THSD7B: variants seen among roughly 807,000 people sequenced by gnomAD.
The protein encoded by THSD7B is thrombospondin type 1 domain containing 7B.
A neutral mutation model predicts 213.6 loss-of-function variants in THSD7B; 138 were observed. The observed-to-expected ratio is 0.65, with a 90% CI of 0.56 to 0.74. THSD7B has a LOEUF of 0.74. Ranked by LOEUF, THSD7B falls within the 30% of genes least tolerant of loss-of-function variation. The probability of loss-of-function intolerance (pLI) is 0.00; values close to 1 mark genes in which losing one functional copy is unlikely to be tolerated. For missense variants in THSD7B, 1,931 were observed against 1,991.5 expected, an observed-to-expected ratio of 0.97 and a Z score of 0.58; for synonymous variants, 742 against 687.0, an observed-to-expected ratio of 1.08 and a Z score of -1.25.
intron 2 of THSD7B, among the ~76,000 whole-genome samples, chr2:137,019,993 G>A (rs1052233977): frequency 6.6e-6 from 1 of 152,108 alleles, no homozygotes; most frequent in Non-Finnish European, 1.5e-5. Context: ...CCTATTCAAG[G>A]TTTGTGAGGA....
At chr2:137,098,596 GGTAGGAAAATCAAA>G (rs1156771590) in intron 4 of THSD7B, among the ~76,000 whole-genome samples, 1 of 152,060 alleles carries the variant, frequency 6.6e-6, no homozygotes, top group African/African-American at 2.4e-5. Context: ...GATTTGAGGA[GGTAGGAAAATCAAA>G]GAAGTAAATA....
chr2:137,600,913 G>A (rs978428842), intron 17 of THSD7B, among the ~76,000 whole-genome samples: 2 of 152,068 alleles, frequency 1.3e-5, no homozygotes, highest in Non-Finnish European at 2.9e-5. Flanking sequence ...CAAAATTGAT[G>A]ATCCGGACCC....
intron 14 of THSD7B, among the ~76,000 whole-genome samples, chr2:137,420,458 C>T (rs1054425323): frequency 1.3e-5 from 2 of 152,168 alleles, no homozygotes; most frequent in Admixed American, 1.3e-4. Flanking sequence ...GACTCCCCAA[C>T]CCCTAGAACC....
At chr2:137,240,515 G>C (rs938079838) in intron 9 of THSD7B, among the ~76,000 whole-genome samples, 5 of 151,230 alleles carry the variant, frequency 3.3e-5, no homozygotes, top group Non-Finnish European at 5.9e-5. Flanking sequence ...CTCTCTCTCT[G>C]TTTCTTTTTT....
intron 1 of THSD7B, among the ~76,000 whole-genome samples, chr2:136,871,668 T>C (rs1473089661): frequency 6.6e-6 from 1 of 152,186 alleles, no homozygotes; most frequent in African/African-American, 2.4e-5. Flanking sequence ...ACCTTCAGAA[T>C]CAGGTAGGGC....
chr2:137,107,179 C>G (rs1476457341), intron 4 of THSD7B, among the ~76,000 whole-genome samples: 2 of 152,140 alleles, frequency 1.3e-5, no homozygotes, highest in Non-Finnish European at 2.9e-5. Flanking sequence ...AAATGTAGCA[C>G]ATATACAACA....
chr2:137,445,353 C>A (rs1285394477), intron 14 of THSD7B, among the ~76,000 whole-genome samples: 1 of 151,928 alleles, frequency 6.6e-6, no homozygotes, highest in African/African-American at 2.4e-5. Context: ...TGGAATCCAC[C>A]TAAGTGCCCA....
chr2:137,320,444 A>G (rs1684238264), intron 12 of THSD7B, among the ~76,000 whole-genome samples: 1 of 152,208 alleles, frequency 6.6e-6, no homozygotes, highest in Non-Finnish European at 1.5e-5. Context: ...ACACCTTAGT[A>G]AGATTTATCA....
chr2:137,429,465 T>C (rs1054455934), intron 14 of THSD7B, among the ~76,000 whole-genome samples: 2 of 152,234 alleles, frequency 1.3e-5, no homozygotes, highest in Non-Finnish European at 2.9e-5. Flanking sequence ...ATGCACACTA[T>C]ACACACATTC....
chr2:137,316,330 C>T (rs751327214), intron 12 of THSD7B, among the ~76,000 whole-genome samples: 6 of 152,224 alleles, frequency 3.9e-5, no homozygotes, highest in Non-Finnish European at 7.3e-5. Context: ...TAAAAATAAC[C>T]TCTGAAGCTT....
At chr2:137,655,407 C>A in intron 21 of THSD7B, 94 bp from the exon 22 acceptor site, 1 of 1,345,828 alleles carries the variant, frequency 7.4e-7, no homozygotes, top group Non-Finnish European at 1.0e-6. Flanking sequence ...CGAAAATATG[C>A]AACTATGGTC....
intron 2 of THSD7B, among the ~76,000 whole-genome samples, chr2:136,918,872 C>T (rs140396330): frequency 2.2e-4 from 34 of 152,276 alleles, no homozygotes; most frequent in African/African-American, 7.0e-4. Context: ...CTCTCTATAT[C>T]GTACCATTCT....
chr2:137,189,565 C>A (rs1680617196), intron 7 of THSD7B, among the ~76,000 whole-genome samples: 1 of 139,482 alleles, frequency 7.2e-6, no homozygotes, highest in South Asian at 2.3e-4. Context: ...GACCTATGCC[C>A]TCCAGAGCTT....
intron 17 of THSD7B, among the ~76,000 whole-genome samples, chr2:137,585,292 C>G (rs192266258): frequency 6.6e-6 from 1 of 152,076 alleles, no homozygotes; most frequent in Non-Finnish European, 1.5e-5. Context: ...AAAAAACCAG[C>G]TCCTGGATTT....
chr2:136,842,112 G>A (rs185873269), intron 1 of THSD7B, among the ~76,000 whole-genome samples: 13 of 152,256 alleles, frequency 8.5e-5, no homozygotes, highest in Non-Finnish European at 1.8e-4. Flanking sequence ...CAAATGAAAG[G>A]ATTTAAGGAC....
chr2:136,807,544 T>TCGC (rs1309180953), intron 1 of THSD7B, among the ~76,000 whole-genome samples: 1 of 121,014 alleles, frequency 8.3e-6, no homozygotes, highest in Non-Finnish European at 1.6e-5. Flanking sequence ...GTCTTGCTCA[T>TCGC]CGCCCAGGCT....
At chr2:137,667,075 TTAATTA>T (rs1254078008) in intron 26 of THSD7B, among the ~76,000 whole-genome samples, 8 of 152,148 alleles carry the variant, frequency 5.3e-5, no homozygotes, top group African/African-American at 1.7e-4. Flanking sequence ...AGGTTGTCTC[TTAATTA>T]TAATTTTCTT....
intron 7 of THSD7B, among the ~76,000 whole-genome samples, chr2:137,189,879 A>G (rs1404431059): frequency 6.6e-6 from 1 of 152,074 alleles, no homozygotes; most frequent in Non-Finnish European, 1.5e-5. Context: ...TATGCTCCTC[A>G]AAAATAGAAA....
At chr2:137,175,768 A>G (rs1171837006) in intron 7 of THSD7B, among the ~76,000 whole-genome samples, 1 of 152,176 alleles carries the variant, frequency 6.6e-6, no homozygotes, top group African/African-American at 2.4e-5. Context: ...GTTGGATCAA[A>G]TATTCTTTAA....
Sources: allele counts gnomAD v4.1 joint callset (sites outside exome capture counted in the v4.1 genomes callset), GRCh38; gene constraint gnomAD v4.1.1; transcripts MANE v1.5; gene names NCBI Gene and HGNC (gene_info 2026-07-23, HGNC 2026-07-21).